SRPK2: variants seen among roughly 807,000 people sequenced by gnomAD.
SRPK2 encodes the protein SRSF protein kinase 2.
SRPK2 carries 21 observed loss-of-function variants against 90.8 expected under a neutral mutation model. That is an observed-to-expected ratio of 0.23 (90% confidence interval 0.16 to 0.33). The LOEUF (loss-of-function observed/expected upper bound fraction) is 0.33, where lower values mean the gene tolerates loss of function less well. SRPK2 is among the 10% of genes least tolerant of loss of function. SRPK2 has a pLI of 1.00. For missense variants in SRPK2, 620 were observed against 869.0 expected, an observed-to-expected ratio of 0.71 and a Z score of 3.60; for synonymous variants, 288 against 311.1, an observed-to-expected ratio of 0.93 and a Z score of 0.78.
At chr7:105,254,262 A>C (rs574733016) in intron 2 of SRPK2, among the ~76,000 whole-genome samples, 1 of 152,370 alleles carries the variant, frequency 6.6e-6, no homozygotes, top group African/African-American at 2.4e-5. Flanking sequence ...TAGTAAGTCA[A>C]CACTATCTGG....
chr7:105,193,381 C>T (rs1794541595), intron 3 of SRPK2, among the ~76,000 whole-genome samples: 2 of 152,132 alleles, frequency 1.3e-5, no homozygotes, highest in South Asian at 4.1e-4. Context: ...TATTCTGTTC[C>T]ACTGGTCTAT....
At chr7:105,359,260 G>GC (rs1818161912) in intron 2 of SRPK2, among the ~76,000 whole-genome samples, 1 of 144,500 alleles carries the variant, frequency 6.9e-6, no homozygotes, top group South Asian at 2.3e-4. Context: ...CCGGGTTCAA[G>GC]CAATTCACCT....
At chr7:105,168,500 G>C (rs1302153210) in intron 4 of SRPK2, among the ~76,000 whole-genome samples, 2 of 152,112 alleles carry the variant, frequency 1.3e-5, no homozygotes, top group South Asian at 2.1e-4. Context: ...CTTGTAATGA[G>C]ATCTATCCAA....
chr7:105,272,455 A>G (rs1220548827), intron 2 of SRPK2, among the ~76,000 whole-genome samples: 1 of 152,138 alleles, frequency 6.6e-6, no homozygotes, highest in Non-Finnish European at 1.5e-5. Context: ...TTTTAGTCAT[A>G]ATTTTGTTTC....
intron 2 of SRPK2, among the ~76,000 whole-genome samples, chr7:105,366,107 C>T (rs1819021375): frequency 6.6e-6 from 1 of 152,048 alleles, no homozygotes; most frequent in Non-Finnish European, 1.5e-5. Flanking sequence ...CCCACCTCGG[C>T]CTCCCAAAGT....
intron 2 of SRPK2, among the ~76,000 whole-genome samples, chr7:105,373,169 T>C (rs965601597): frequency 2.0e-5 from 3 of 152,232 alleles, no homozygotes; most frequent in East Asian, 1.9e-4. Context: ...AGTTCCAACA[T>C]AGATAATACT....
chr7:105,220,278 C>T (rs1797935110), intron 2 of SRPK2, among the ~76,000 whole-genome samples: 1 of 152,132 alleles, frequency 6.6e-6, no homozygotes, highest in Non-Finnish European at 1.5e-5. Flanking sequence ...GTGGCTCACA[C>T]CTGTAACCGG....
chr7:105,361,242 C>A (rs916745339), intron 2 of SRPK2, among the ~76,000 whole-genome samples: 1 of 151,970 alleles, frequency 6.6e-6, no homozygotes, highest in Non-Finnish European at 1.5e-5. Context: ...AAAGAGAATA[C>A]AATACCTAGG....
chr7:105,260,647 T>C (rs966762613), intron 2 of SRPK2, among the ~76,000 whole-genome samples: 25 of 152,210 alleles, frequency 1.6e-4, no homozygotes, highest in African/African-American at 4.3e-4. Context: ...TGTCCATCAA[T>C]GATAGACTGG....
chr7:105,173,352 G>C (rs1259370082), intron 3 of SRPK2, among the ~76,000 whole-genome samples: 1 of 152,158 alleles, frequency 6.6e-6, no homozygotes, highest in Non-Finnish European at 1.5e-5. Flanking sequence ...ACAATTTCAA[G>C]TCTATGTATA....
chr7:105,198,802 A>T (rs1342290409), intron 3 of SRPK2, among the ~76,000 whole-genome samples: 2 of 152,244 alleles, frequency 1.3e-5, no homozygotes, highest in East Asian at 3.8e-4. Flanking sequence ...AATATAAATT[A>T]TCATATCATA....
intron 2 of SRPK2, among the ~76,000 whole-genome samples, chr7:105,270,846 T>A (rs149106103): frequency 2.0e-5 from 3 of 152,198 alleles, no homozygotes; most frequent in African/African-American, 7.2e-5. Flanking sequence ...AAATAACCCA[T>A]GAAAATAAAG....
At chr7:105,204,183 G>A (rs1032155262) in intron 2 of SRPK2, among the ~76,000 whole-genome samples, 8 of 152,284 alleles carry the variant, frequency 5.3e-5, no homozygotes, top group African/African-American at 1.2e-4. Flanking sequence ...AAAGACAGGC[G>A]CAAGCAGCAC....
chr7:105,168,121 CTATT>C (rs771223416), intron 4 of SRPK2, 26 bp from the exon 5 acceptor site: 25 of 1,537,142 alleles, frequency 1.6e-5, no homozygotes, highest in African/African-American at 8.2e-5. Context: ...AAAAAAGAGT[CTATT>C]TATCTATATT....
At chr7:105,146,697 A>G in intron 7 of SRPK2, 39 bp from the exon 8 acceptor site, 1 of 1,575,394 alleles carries the variant, frequency 6.3e-7, no homozygotes, top group Non-Finnish European at 8.7e-7. Flanking sequence ...TAAGCTATTA[A>G]TATCTCATTA....
chr7:105,218,742 T>C (rs907457354), intron 2 of SRPK2, among the ~76,000 whole-genome samples: 13 of 152,198 alleles, frequency 8.5e-5, no homozygotes, highest in Admixed American at 5.2e-4. Flanking sequence ...CCACAATGTA[T>C]TTAGAGTTCC....
rs142390392 is a variant in SRPK2 at position 105,368,656 on chromosome 7, T to C, written c.71+19992A>G. Among the ~76,000 whole-genome samples, 283 of 152,148 alleles carry C rather than the reference T, an allele frequency of 1.9e-3. 1 individual carries two copies. The highest frequency in any genetic ancestry group is 6.6e-3 in the African/African-American group (273 of 41,544). On this transcript the variant is annotated intron_variant, in intron 2 of 15. Coordinates refer to ENST00000393651, the MANE Select transcript of SRPK2 (RefSeq NM_182692.3). ...TCCCAGCACTTAAGGAGGCCAGGGTTGGTGGATCACTTGAGGTAAGGAGTT... is the reference window on the plus strand; with the variant it reads ...TCCCAGCACTTAAGGAGGCCAGGGTCGGTGGATCACTTGAGGTAAGGAGTT...
intron 2 of SRPK2, among the ~76,000 whole-genome samples, chr7:105,239,104 C>CA (rs1405748268): frequency 6.6e-6 from 1 of 152,208 alleles, no homozygotes; most frequent in East Asian, 1.9e-4. Context: ...TGTACAATTG[C>CA]ACTACATATC....
At chr7:105,312,574 G>T (rs12111998) in intron 2 of SRPK2, among the ~76,000 whole-genome samples, 1 of 152,018 alleles carries the variant, frequency 6.6e-6, no homozygotes, top group African/African-American at 2.4e-5. Context: ...CTGCACCTCA[G>T]ATGCAATTTT....
Sources: allele counts gnomAD v4.1 joint callset (sites outside exome capture counted in the v4.1 genomes callset), GRCh38; gene constraint gnomAD v4.1.1; transcripts MANE v1.5; gene names NCBI Gene and HGNC (gene_info 2026-07-23, HGNC 2026-07-21).